OSBP2: variants seen among roughly 807,000 people sequenced by gnomAD.
OSBP2 encodes the protein oxysterol-binding protein 2.
A neutral mutation model predicts 96.0 loss-of-function variants in OSBP2; 66 were observed. That is an observed-to-expected ratio of 0.69 (90% CI 0.56 to 0.84). The LOEUF (loss-of-function observed/expected upper bound fraction) is 0.84, where lower values mean the gene tolerates loss of function less well. Ranked by LOEUF, OSBP2 falls within the 40% of genes least tolerant of loss-of-function variation. The probability of loss-of-function intolerance (pLI) is 0.00; values close to 1 mark genes in which losing one functional copy is unlikely to be tolerated. For synonymous variants in OSBP2, 525 were observed against 520.9 expected, an observed-to-expected ratio of 1.01 and a Z score of -0.11; for missense variants, 1,038 against 1,222.7, an observed-to-expected ratio of 0.85 and a Z score of 2.25.
intron 3 of OSBP2, among the ~76,000 whole-genome samples, chr22:30,880,762 A>C (rs1393457489): frequency 1.3e-5 from 2 of 152,176 alleles, no homozygotes; most frequent in Non-Finnish European, 2.9e-5. Context: ...GAACAGCAAA[A>C]GCGATTAGAG....
intron 2 of OSBP2, among the ~76,000 whole-genome samples, chr22:30,802,235 G>T (rs1001584772): frequency 6.6e-6 from 1 of 152,230 alleles, no homozygotes; most frequent in Non-Finnish European, 1.5e-5. Flanking sequence ...CCTGGCTGGG[G>T]AGGAGGAGGC....
At chr22:30,826,113 C>T (rs761276312) in intron 2 of OSBP2, among the ~76,000 whole-genome samples, 2 of 152,228 alleles carry the variant, frequency 1.3e-5, no homozygotes, top group South Asian at 2.1e-4. Flanking sequence ...GATGTGTTTA[C>T]GTCTTTAAAG....
In OSBP2 at chr22:30,794,196, T is replaced by TA. The variant is rs2090720709; in HGVS notation, c.853+52835dup. ...GGGCAACATAGTGAGACCTGGTCTC[T>TA]AAAAAAAATGTTTTTTAATAATTTA... On this transcript the variant is annotated intron_variant, in intron 2 of 13. Coordinates refer to ENST00000332585, the MANE Select transcript of OSBP2 (RefSeq NM_030758.4). Among the ~76,000 whole-genome samples the TA allele has an allele frequency of 6.0e-5, 9 of 151,060 alleles. No individual in the cohort carries two copies. In the South Asian group the frequency reaches 1.9e-3, roughly 32 times the overall value.
rs891978644 is a variant in OSBP2, at chr22:30,887,360, C to T, written c.1108-66C>T. Reference sequence around the variant, plus strand: ...TTTAAGGTGGAGTTGCTCTGGTTCACATGCCTCTGACAGATGGGCCCCTGC... The same window carrying T: ...TTTAAGGTGGAGTTGCTCTGGTTCATATGCCTCTGACAGATGGGCCCCTGC... On this transcript the variant is annotated intron_variant, in intron 3 of 13. Coordinates refer to ENST00000332585, the MANE Select transcript of OSBP2 (RefSeq NM_030758.4). 2.1e-6 allele frequency: 3 copies of T among 1,415,168 alleles called. No individual in the cohort carries two copies. In the African/African-American group the frequency reaches 4.2e-5, roughly 20 times the overall value. 87.7% of individuals were successfully genotyped at this position (1,415,168 alleles called of 1,614,324 possible). A position where few individuals can be genotyped will look rare whatever the true frequency, so the allele number is the denominator to read the frequency against.
chr22:30,904,899 G>T (rs2040294649), intron 12 of OSBP2, among the ~76,000 whole-genome samples: 1 of 152,118 alleles, frequency 6.6e-6, no homozygotes, highest in African/African-American at 2.4e-5. Context: ...ACTCTGGAAG[G>T]CCAAGATAGG....
chr22:30,830,637 C>T (rs1405134424), intron 2 of OSBP2, among the ~76,000 whole-genome samples: 5 of 152,256 alleles, frequency 3.3e-5, no homozygotes, highest in Non-Finnish European at 7.3e-5. Context: ...CCAAATCCCA[C>T]TCCTCACCTG....
intron 12 of OSBP2, among the ~76,000 whole-genome samples, chr22:30,897,944 C>T (rs748474596): frequency 4.8e-5 from 7 of 144,922 alleles, no homozygotes; most frequent in Admixed American, 1.4e-4. Context: ...AGTGAGACTC[C>T]GTCTCAGGAA....
At chr22:30,878,653 A>G (rs1460581663) in intron 3 of OSBP2, among the ~76,000 whole-genome samples, 2 of 152,078 alleles carry the variant, frequency 1.3e-5, no homozygotes, top group Non-Finnish European at 2.9e-5. Context: ...TGGCCAACAG[A>G]GGGTAGATGC....
At chr22:30,856,611 T>C (rs2039085105) in intron 2 of OSBP2, among the ~76,000 whole-genome samples, 1 of 151,862 alleles carries the variant, frequency 6.6e-6, no homozygotes, top group African/African-American at 2.4e-5. Context: ...GGTCTCGAAC[T>C]CCTGACCTCA....
intron 2 of OSBP2, among the ~76,000 whole-genome samples, chr22:30,782,114 C>T (rs1044667942): frequency 1.3e-5 from 2 of 152,120 alleles, no homozygotes; most frequent in East Asian, 1.9e-4. Context: ...CCACTGCACT[C>T]CAGCCACGGC....
chr22:30,717,117 T>TGTGTGTGC (rs1352567352), intron 1 of OSBP2, among the ~76,000 whole-genome samples: 4 of 148,634 alleles, frequency 2.7e-5, no homozygotes, highest in Non-Finnish European at 5.9e-5. Context: ...TGTGTGTGTG[T>TGTGTGTGC]GTGTGTGTGT....
chr22:30,831,154 C>A (rs891889828), intron 2 of OSBP2, among the ~76,000 whole-genome samples: 18 of 152,198 alleles, frequency 1.2e-4, no homozygotes, highest in Non-Finnish European at 2.5e-4. Flanking sequence ...AGCCCCATCA[C>A]CCTTGGCAAG....
intron 12 of OSBP2, chr22:30,902,126 G>GAAAAAAAAAAAAACAAA (rs35391426): frequency 2.5e-4 from 31 of 126,102 alleles, no homozygotes; most frequent in African/African-American, 3.5e-4. Flanking sequence ...AAAAAAAAAC[G>GAAAAAAAAAAAAACAAA]AAAAAAAAAA....
At chr22:30,707,257 C>T (rs374458810) in intron 1 of OSBP2, among the ~76,000 whole-genome samples, 4 of 152,142 alleles carry the variant, frequency 2.6e-5, no homozygotes, top group African/African-American at 7.2e-5. Flanking sequence ...CTGCCACGCC[C>T]GGCTAATTTT....
Position 30,722,660 on chromosome 22 carries a change from CCTCT to C in OSBP2, c.645-18498_645-18495del, listed in dbSNP as rs1304555603. The stretch of plus-strand genomic sequence containing the variant: ...CTCTCTTTCTCTTTCTCCTTCCTTC[CCTCT>C]CTTTTTCTCTTTCTTTCTTTTCTTT... On this transcript the variant is annotated intron_variant, in intron 1 of 13. Coordinates refer to ENST00000332585, the MANE Select transcript of OSBP2 (RefSeq NM_030758.4). 2.0e-5 allele frequency among the ~76,000 whole-genome samples: 3 copies of C among 147,110 alleles called. No homozygotes were observed. In the South Asian group the frequency reaches 6.6e-4, roughly 32 times the overall value.
At chr22:30,784,921 C>T (rs923256454) in intron 2 of OSBP2, among the ~76,000 whole-genome samples, 1 of 152,010 alleles carries the variant, frequency 6.6e-6, no homozygotes, top group Non-Finnish European at 1.5e-5. Flanking sequence ...TACAGGCATG[C>T]ACCACCATGT....
At chr22:30,858,232 C>T (rs559618624) in intron 2 of OSBP2, among the ~76,000 whole-genome samples, 194 of 150,330 alleles carry the variant, frequency 1.3e-3, no homozygotes, top group Middle Eastern at 6.8e-3. Context: ...CTGCAAGCTC[C>T]GCTTCCCGGG....
intron 2 of OSBP2, among the ~76,000 whole-genome samples, chr22:30,791,652 C>T (rs570535100): frequency 6.6e-6 from 1 of 152,142 alleles, no homozygotes; most frequent in African/African-American, 2.4e-5. Context: ...TAAATAAAAT[C>T]AGTCCTGTCT....
chr22:30,826,209 T>G (rs2038401802), intron 2 of OSBP2, among the ~76,000 whole-genome samples: 1 of 152,224 alleles, frequency 6.6e-6, no homozygotes, highest in East Asian at 1.9e-4. Flanking sequence ...AAATAGGGAC[T>G]TTTAGGGGAC....
Sources: allele counts gnomAD v4.1 joint callset (sites outside exome capture counted in the v4.1 genomes callset), GRCh38; gene constraint gnomAD v4.1.1; transcripts MANE v1.5; gene names NCBI Gene and HGNC (gene_info 2026-07-23, HGNC 2026-07-21).